Variants in FBXW8 observed in about 807,000 individuals in gnomAD.
The protein encoded by FBXW8 is F-box/WD repeat-containing protein 8.
Under a neutral mutation model 65.3 loss-of-function variants are expected in FBXW8, and 57 were observed. The observed-to-expected ratio is 0.87, with a 90% CI of 0.71 to 1.09. FBXW8 has a LOEUF of 1.09. FBXW8 is among the 50% of genes least tolerant of loss of function. FBXW8 has a pLI of 0.00. For missense variants in FBXW8, 777 were observed against 814.8 expected, an observed-to-expected ratio of 0.95 and a Z score of 0.57; for synonymous variants, 308 against 330.2, an observed-to-expected ratio of 0.93 and a Z score of 0.73.
intron 5 of FBXW8, among the ~76,000 whole-genome samples, chr12:116,972,480 A>G (rs998285988): frequency 4.6e-5 from 7 of 152,222 alleles, no homozygotes; most frequent in Admixed American, 2.6e-4. Context: ...TTGAAAAGCA[A>G]AATGCATCTG....
chr12:116,952,850 G>C (rs950380086), intron 4 of FBXW8, among the ~76,000 whole-genome samples: 2 of 152,138 alleles, frequency 1.3e-5, no homozygotes, highest in Non-Finnish European at 2.9e-5. Flanking sequence ...CGATTCTCCT[G>C]CTTCAGCCTC....
intron 5 of FBXW8, among the ~76,000 whole-genome samples, chr12:116,970,463 G>A (rs994059521): frequency 2.0e-5 from 3 of 152,128 alleles, no homozygotes; most frequent in Non-Finnish European, 4.4e-5. Context: ...AGGTGACTAT[G>A]ATTTCTCATT....
chr12:116,951,870 T>C (rs1406199943), intron 4 of FBXW8, among the ~76,000 whole-genome samples: 1 of 152,226 alleles, frequency 6.6e-6, no homozygotes, highest in Non-Finnish European at 1.5e-5. Flanking sequence ...ATACCCATCA[T>C]GTGAACAGGA....
At chr12:116,913,435 A>G (rs974484121) in intron 1 of FBXW8, among the ~76,000 whole-genome samples, 1 of 152,266 alleles carries the variant, frequency 6.6e-6, no homozygotes, top group Non-Finnish European at 1.5e-5. Context: ...CAGAAGCCTT[A>G]TAGATAAGTC....
intron 9 of FBXW8, 68 bp from the exon 10 acceptor site, chr12:117,027,326 C>T: frequency 1.6e-6 from 2 of 1,218,016 alleles, no homozygotes; most frequent in East Asian, 4.7e-5. Flanking sequence ...TCTGAACTCC[C>T]AGGCCTGCGG....
chr12:116,978,285 G>A (rs1446451560), intron 5 of FBXW8: 4 of 152,212 alleles, frequency 2.6e-5, no homozygotes, highest in Admixed American at 6.5e-5. Context: ...CTTCCATGAA[G>A]AGCAAAAACT....
chr12:116,940,895 A>G (rs921184086), intron 2 of FBXW8, among the ~76,000 whole-genome samples: 2 of 152,190 alleles, frequency 1.3e-5, no homozygotes, highest in African/African-American at 2.4e-5. Context: ...TAGATGTACA[A>G]ATGTTTTAGG....
At chr12:116,968,603 A>T (rs765184833) in intron 5 of FBXW8, among the ~76,000 whole-genome samples, 62 of 152,226 alleles carry the variant, frequency 4.1e-4, no homozygotes, top group Non-Finnish European at 1.5e-4. Context: ...ATTTCACACA[A>T]GTGCAAGGAG....
At chr12:116,965,661 T>A (rs1366454230) in intron 5 of FBXW8, among the ~76,000 whole-genome samples, 1 of 152,208 alleles carries the variant, frequency 6.6e-6, no homozygotes, top group East Asian at 1.9e-4. Context: ...CAGTGTGACA[T>A]TAGCAGTTGG....
chr12:116,923,920 A>G (rs907538870), intron 1 of FBXW8, among the ~76,000 whole-genome samples: 1 of 152,106 alleles, frequency 6.6e-6, no homozygotes, highest in Non-Finnish European at 1.5e-5. Flanking sequence ...TCACCATGTT[A>G]GCCAGGATGA....
intron 5 of FBXW8, chr12:116,979,228 T>C (rs1885142834): frequency 6.6e-6 from 1 of 152,242 alleles, no homozygotes; most frequent in South Asian, 2.1e-4. Context: ...TTTAAACTCA[T>C]TTAGATCCCA....
chr12:116,936,919 C>T lies in FBXW8; in HGVS notation c.424-8445C>T, dbSNP rs866637791. 1.9e-4 allele frequency among the ~76,000 whole-genome samples: 29 copies of T among 152,162 alleles called. No individual in the cohort carries two copies. Among genetic ancestry groups the T allele is most frequent in the Admixed American group, 6.5e-4 (10 of 15,280 alleles). On this transcript the variant is annotated intron_variant, in intron 2 of 10. Coordinates refer to ENST00000652555, the MANE Select transcript of FBXW8 (RefSeq NM_153348.3). This position sits in a 1 kb window ranked among gnomAD's most constrained non-coding sequence, Gnocchi z 4.6. ...CAGAGGGGTGACAAGGGCTGCCCTA[C>T]GTTTAAAAAGGGACCATTTGGGCTG... is the stretch of plus-strand genomic sequence containing the variant.
intron 4 of FBXW8, among the ~76,000 whole-genome samples, chr12:116,954,134 A>ATG (rs1883484237): frequency 9.5e-6 from 1 of 105,388 alleles, no homozygotes; most frequent in Non-Finnish European, 2.1e-5. Context: ...AAAAAAAAAA[A>ATG]GAAAAAGCAG....
chr12:116,988,606 A>G (rs1953155951), intron 6 of FBXW8, 57 bp from the exon 7 acceptor site: 1 of 1,517,936 alleles, frequency 6.6e-7, no homozygotes, highest in East Asian at 2.3e-5. Flanking sequence ...GGAATTGCAT[A>G]TTTTTGATCA....
Position 116,910,952 on chromosome 12 carries a change from G to C in FBXW8, c.-86G>C. 1 of 1,247,498 alleles carries C rather than the reference G, an allele frequency of 8.0e-7. No homozygotes were observed. Among genetic ancestry groups the C allele is most frequent in the Non-Finnish European group, 1.0e-6 (1 of 985,562 alleles). The allele number at this position is 1,247,498 out of a possible 1,614,324, so 77.3% of individuals were successfully genotyped here. On this transcript the variant is annotated 5_prime_UTR_variant, in exon 1 of 11. Transcript: ENST00000652555. ...TAGAGCGGCGGCGGCAGCGGCTTCC[G>C]GCCGCGGCGGACACTTCCCTGGGCG...
In FBXW8 at chr12:117,024,235, TG is replaced by T. The variant is rs778541582; in HGVS notation, c.1458del (p.Trp486Ter). Reference protein sequence around the residue: ...LRVSAVQMDDWKIVSGGEEGL... With the variant: ...LRVSAVQMDDXKIVSGGEEGL... The stretch of plus-strand genomic sequence containing the variant: ...GGTCTCTGCTGTGCAGATGGATGAC[TG>T]GAAGATCGTCAGTGGAGGCGAGGAA... On this transcript the variant is annotated frameshift_variant, in exon 9 of 11. Coordinates refer to ENST00000652555, the MANE Select transcript of FBXW8 (RefSeq NM_153348.3). LOFTEE classifies it high-confidence loss of function. The T allele has an allele frequency of 6.2e-7, 1 of 1,614,206 alleles. No individual in the cohort carries two copies. The highest frequency in any genetic ancestry group is 1.1e-5 in the South Asian group (1 of 91,084).
At chr12:116,932,090 G>C (rs557946884) in intron 2 of FBXW8, among the ~76,000 whole-genome samples, 8 of 152,020 alleles carry the variant, frequency 5.3e-5, no homozygotes, top group African/African-American at 1.9e-4. Context: ...CTGCACCTGA[G>C]GTGATCACAT....
intron 4 of FBXW8, among the ~76,000 whole-genome samples, chr12:116,952,055 T>G (rs1883318354): frequency 6.6e-6 from 1 of 152,246 alleles, no homozygotes; most frequent in African/African-American, 2.4e-5. Flanking sequence ...CCAAGCTACC[T>G]TTTTCCTTAT....
intron 1 of FBXW8, among the ~76,000 whole-genome samples, chr12:116,912,038 C>G (rs893795950): frequency 3.3e-5 from 5 of 152,024 alleles, no homozygotes; most frequent in Non-Finnish European, 7.4e-5. Flanking sequence ...TTGGGAAAAT[C>G]AAGAACACCT....
Sources: gnomAD v4.1 joint callset for allele counts (sites outside exome capture counted in the v4.1 genomes callset) on GRCh38, gnomAD v4.1.1 for gene constraint, Gnocchi (gnomAD v3.1) non-coding constraint, MANE v1.5 for transcripts, NCBI Gene and HGNC (gene_info 2026-07-23, HGNC 2026-07-21) for gene names.